The following RNGTT variants were observed in gnomAD, a reference collection of about 807,000 sequenced individuals.
RNGTT encodes mRNA-capping enzyme.
Under a neutral mutation model 79.3 loss-of-function variants are expected in RNGTT, and 33 were observed. The observed-to-expected ratio is 0.42, with a 90% CI of 0.32 to 0.56. RNGTT has a LOEUF of 0.56. Ranked by LOEUF, RNGTT falls within the 20% of genes least tolerant of loss-of-function variation. RNGTT has a pLI of 0.17. For missense variants in RNGTT, 497 were observed against 739.1 expected (o/e 0.67, Z 3.80); for synonymous variants, 222 against 235.9 (o/e 0.94, Z 0.54).
chr6:88,897,404 T>A lies in RNGTT; in HGVS notation c.685-5489A>T, dbSNP rs547747268. 7.2e-5 allele frequency among the ~76,000 whole-genome samples: 11 copies of A among 152,260 alleles called. No individual in the cohort carries two copies. In the East Asian group the frequency reaches 2.1e-3, roughly 29 times the overall value. ...CCTCCTATTGCTGAAGACCTATTACTCCAAAAACTGCATTTGACCTCCATT... is the reference window on the plus strand; with the variant it reads ...CCTCCTATTGCTGAAGACCTATTACACCAAAAACTGCATTTGACCTCCATT... On this transcript the variant is annotated intron_variant, in intron 6 of 15. Coordinates refer to ENST00000369485, the MANE Select transcript of RNGTT (RefSeq NM_003800.5).
chr6:88,674,367 G>A (rs1425264483), intron 14 of RNGTT, among the ~76,000 whole-genome samples: 1 of 152,036 alleles, frequency 6.6e-6, no homozygotes, highest in African/African-American at 2.4e-5. Context: ...GGACAACATG[G>A]TGAAACCCCA....
chr6:88,778,875 T>C (rs1244490607), intron 12 of RNGTT, among the ~76,000 whole-genome samples: 1 of 152,158 alleles, frequency 6.6e-6, no homozygotes, highest in East Asian at 1.9e-4. Context: ...CATGAGTAAG[T>C]ATAAAATCAA....
chr6:88,840,789 T>C (rs1394133096), intron 11 of RNGTT, among the ~76,000 whole-genome samples: 1 of 152,212 alleles, frequency 6.6e-6, no homozygotes, highest in Non-Finnish European at 1.5e-5. Context: ...ACTGTCTTTC[T>C]AGTGAAAAAC....
In RNGTT at chr6:88,757,277, G is replaced by A. The variant is rs114261552; in HGVS notation, c.1439+12497C>T. Among the ~76,000 whole-genome samples the A allele has an allele frequency of 3.0e-3, 459 of 152,238 alleles. 3 individuals carry two copies. The highest frequency in any genetic ancestry group is 9.0e-3 in the African/African-American group (372 of 41,550). On this transcript the variant is annotated intron_variant, in intron 13 of 15. Coordinates refer to ENST00000369485, the MANE Select transcript of RNGTT (RefSeq NM_003800.5). ...CCACAACAAATTCAAGGAAAAGCAAGCAGGACAGGTAGTATTAGTATCAAG... is the reference window on the plus strand; with the variant it reads ...CCACAACAAATTCAAGGAAAAGCAAACAGGACAGGTAGTATTAGTATCAAG...
chr6:88,674,827 T>A (rs571145958), intron 14 of RNGTT, among the ~76,000 whole-genome samples: 5 of 152,078 alleles, frequency 3.3e-5, no homozygotes, highest in Admixed American at 2.6e-4. Context: ...CCAGGTGCAG[T>A]GGCTCATGCC....
chr6:88,740,615 CATGG>C (rs1284693418), intron 13 of RNGTT, among the ~76,000 whole-genome samples: 2 of 152,094 alleles, frequency 1.3e-5, no homozygotes, highest in African/African-American at 4.8e-5. Context: ...TTTGCAGGGA[CATGG>C]ATGAAGCTGG....
intron 14 of RNGTT, among the ~76,000 whole-genome samples, chr6:88,666,678 T>C (rs1055145919): frequency 1.3e-5 from 2 of 152,154 alleles, no homozygotes; most frequent in East Asian, 1.9e-4. Flanking sequence ...GGGACAAACC[T>C]TGGATGTCTG....
At chr6:88,889,180 AAT>A (rs1416804215) in intron 8 of RNGTT, among the ~76,000 whole-genome samples, 1 of 152,170 alleles carries the variant, frequency 6.6e-6, no homozygotes, top group Non-Finnish European at 1.5e-5. Flanking sequence ...TTGTCAAATG[AAT>A]ATGTCTTACC....
intron 13 of RNGTT, among the ~76,000 whole-genome samples, chr6:88,724,968 C>A (rs1171725966): frequency 6.6e-6 from 1 of 152,160 alleles, no homozygotes; most frequent in Non-Finnish European, 1.5e-5. Flanking sequence ...GGATAAGAAC[C>A]CCTTCCCCTC....
At chr6:88,783,748 G>C (rs868096703) in intron 12 of RNGTT, among the ~76,000 whole-genome samples, 17 of 150,666 alleles carry the variant, frequency 1.1e-4, no homozygotes, top group African/African-American at 3.9e-4. Context: ...TCTTTGTTGT[G>C]GGGGCTGTTC....
intron 14 of RNGTT, among the ~76,000 whole-genome samples, chr6:88,662,397 C>T (rs1475489717): frequency 2.0e-5 from 3 of 152,208 alleles, no homozygotes; most frequent in African/African-American, 7.2e-5. Flanking sequence ...AGTCACGTAG[C>T]CCCCACTTGC....
intron 11 of RNGTT, among the ~76,000 whole-genome samples, chr6:88,839,816 T>C (rs146316594): frequency 0.011 from 1,743 of 152,284 alleles, 35 homozygotes; most frequent in African/African-American, 0.039. Flanking sequence ...GAAATGTAAA[T>C]AGAATCGCAA....
chr6:88,700,162 A>G (rs1377412293), intron 13 of RNGTT, among the ~76,000 whole-genome samples: 1 of 152,182 alleles, frequency 6.6e-6, no homozygotes, highest in Non-Finnish European at 1.5e-5. Flanking sequence ...AGAAAAATCT[A>G]TTCCTAAAGC....
intron 11 of RNGTT, among the ~76,000 whole-genome samples, chr6:88,813,258 T>C (rs1780202924): frequency 6.6e-6 from 1 of 152,200 alleles, no homozygotes; most frequent in African/African-American, 2.4e-5. Context: ...CACCACAGGC[T>C]GCATACTAAC....
intron 13 of RNGTT, among the ~76,000 whole-genome samples, chr6:88,695,699 T>C (rs1775638153): frequency 6.6e-6 from 1 of 152,178 alleles, no homozygotes; most frequent in Non-Finnish European, 1.5e-5. Context: ...ATCTGCACTC[T>C]TGTGTTTACT....
chr6:88,784,752 A>G (rs373048988), intron 12 of RNGTT, among the ~76,000 whole-genome samples: 2 of 152,114 alleles, frequency 1.3e-5, no homozygotes, highest in African/African-American at 4.8e-5. Flanking sequence ...CAATTAATAA[A>G]CCCTATCTTT....
chr6:88,759,624 C>T (rs1479517799), intron 13 of RNGTT, among the ~76,000 whole-genome samples: 1 of 152,104 alleles, frequency 6.6e-6, no homozygotes, highest in Admixed American at 6.5e-5. Context: ...TCACTGCCTT[C>T]CTCCATTTCA....
intron 8 of RNGTT, among the ~76,000 whole-genome samples, chr6:88,882,504 G>T (rs1330969584): frequency 2.0e-5 from 3 of 152,138 alleles, no homozygotes; most frequent in Admixed American, 6.5e-5. Context: ...TCTTAGTGGT[G>T]GGGAATGTAA....
intron 14 of RNGTT, among the ~76,000 whole-genome samples, chr6:88,648,824 A>G (rs186243239): frequency 6.6e-6 from 1 of 152,188 alleles, no homozygotes; most frequent in Admixed American, 6.5e-5. Context: ...CATCTGACAC[A>G]TCACATCCAA....
Sources: gnomAD v4.1 joint callset for allele counts (sites outside exome capture counted in the v4.1 genomes callset) on GRCh38, gnomAD v4.1.1 for gene constraint, MANE v1.5 for transcripts, NCBI Gene and HGNC (gene_info 2026-07-23, HGNC 2026-07-21) for gene names.